Variants in ARID5B observed in about 807,000 individuals in gnomAD.
ARID5B encodes the protein AT-rich interaction domain 5B, also known as AT-rich interactive domain-containing protein 5B.
A neutral mutation model predicts 97.2 loss-of-function variants in ARID5B; 13 were observed. The ratio of observed to expected loss-of-function variants is 0.13; its 90% confidence interval spans 0.09 to 0.21. The LOEUF is 0.21. Ranked by LOEUF, ARID5B falls within the 10% of genes least tolerant of loss-of-function variation. The probability of loss-of-function intolerance (pLI) is 1.00; values close to 1 mark genes in which losing one functional copy is unlikely to be tolerated. For missense variants in ARID5B, 1,210 were observed against 1,465.3 expected, an observed-to-expected ratio of 0.83 and a Z score of 2.84; for synonymous variants, 556 against 570.3, an observed-to-expected ratio of 0.97 and a Z score of 0.36.
intron 4 of ARID5B, among the ~76,000 whole-genome samples, chr10:62,011,883 A>G (rs1355706712): frequency 1.3e-5 from 2 of 152,178 alleles, no homozygotes; most frequent in East Asian, 1.9e-4. Context: ...AATGTGGCCC[A>G]GTGCTGAAGG....
At chr10:62,023,141 C>G (rs1413572601) in intron 4 of ARID5B, among the ~76,000 whole-genome samples, 1 of 152,218 alleles carries the variant, frequency 6.6e-6, no homozygotes, top group Non-Finnish European at 1.5e-5. Context: ...ACACCCCTTA[C>G]TATGAACAAT....
At chr10:61,905,381 A>G (rs1011501641) in intron 2 of ARID5B, among the ~76,000 whole-genome samples, 1 of 152,082 alleles carries the variant, frequency 6.6e-6, no homozygotes, top group Non-Finnish European at 1.5e-5. Context: ...CTAAAAGCAG[A>G]AAAATGATCA....
At position 62,000,031 on chromosome 10, in the gene ARID5B, G is replaced by A; in HGVS notation, c.503-60G>A. On this transcript the variant is annotated intron_variant, in intron 3 of 9. Coordinates refer to ENST00000279873, the MANE Select transcript of ARID5B (RefSeq NM_032199.3). This position sits in a 1 kb window ranked among gnomAD's most constrained non-coding sequence, Gnocchi z 4.4. ...AAGTGATTATTGAAATTATACCATG[G>A]CCATGAAAGTTCTTTGTCAGAGGGA... The A allele has an allele frequency of 6.7e-7, 1 of 1,487,266 alleles. No individual in the cohort carries two copies. Among genetic ancestry groups the A allele is most frequent in the Non-Finnish European group, 9.4e-7 (1 of 1,067,362 alleles). The allele number at this position is 1,487,266 out of a possible 1,614,324, so 92.1% of individuals were successfully genotyped here.
chr10:61,930,978 C>G (rs1380467946), intron 2 of ARID5B, among the ~76,000 whole-genome samples: 1 of 152,066 alleles, frequency 6.6e-6, no homozygotes, highest in African/African-American at 2.4e-5. Flanking sequence ...GGCAGGTGAA[C>G]TTGGAAGTCT....
intron 2 of ARID5B, among the ~76,000 whole-genome samples, chr10:61,919,264 T>C (rs1843968769): frequency 1.3e-5 from 2 of 152,162 alleles, no homozygotes; most frequent in South Asian, 4.1e-4. Flanking sequence ...ATTTTAAATA[T>C]ACCCACTATT....
chr10:61,974,538 A>C (rs1838674034), intron 3 of ARID5B, among the ~76,000 whole-genome samples: 1 of 152,198 alleles, frequency 6.6e-6, no homozygotes, highest in Admixed American at 6.5e-5. Context: ...ATAACCATTT[A>C]TTTATAATAA....
chr10:61,976,046 C>T (rs1400665763), intron 3 of ARID5B, among the ~76,000 whole-genome samples: 1 of 152,136 alleles, frequency 6.6e-6, no homozygotes, highest in African/African-American at 2.4e-5. Context: ...GGGTTAAGCA[C>T]TAGGAATACA....
At chr10:61,987,835 CATGGT>C (rs1471973827) in intron 3 of ARID5B, among the ~76,000 whole-genome samples, 36 of 152,294 alleles carry the variant, frequency 2.4e-4, no homozygotes, top group African/African-American at 8.2e-4. Flanking sequence ...ACTGGTAACT[CATGGT>C]ATGAAACCAC....
Position 62,092,085 on chromosome 10 carries a change from A to G in ARID5B, c.2622A>G (p.Arg874=), listed in dbSNP as rs1840386039. The change falls in exon 10 of 10, where the codon AGA becomes AGG. Residue 874 remains arginine (R), a synonymous_variant. Transcript: ENST00000279873. ...AAAACAGTTCTTTTCCTTCCCACAG[A>G]CACCAAGAAAAGCTCCATGTAAATT... ...ESENSSFPSH[R]HQEKLHVNYL... 2 of 1,613,652 alleles carry G rather than the reference A, an allele frequency of 1.2e-6. No homozygotes were observed. The highest frequency in any genetic ancestry group is 2.7e-5 in the African/African-American group (2 of 74,964).
chr10:61,920,628 A>G (rs997414571), intron 2 of ARID5B, among the ~76,000 whole-genome samples: 8 of 151,996 alleles, frequency 5.3e-5, no homozygotes, highest in African/African-American at 1.7e-4. Flanking sequence ...GAGTAGATGG[A>G]AAAAAAAGGA....
chr10:62,066,814 C>T (rs183966349), intron 7 of ARID5B, among the ~76,000 whole-genome samples: 29 of 152,202 alleles, frequency 1.9e-4, no homozygotes, highest in Admixed American at 1.6e-3. Context: ...CCTAAATATC[C>T]CCGGCTTTCT....
chr10:61,949,173 T>C (rs1388245085), intron 3 of ARID5B, among the ~76,000 whole-genome samples: 1 of 152,228 alleles, frequency 6.6e-6, no homozygotes, highest in Non-Finnish European at 1.5e-5. Flanking sequence ...TCTGAGAGTC[T>C]GTTTAAGCTA....
chr10:61,980,836 C>T (rs1838767147), intron 3 of ARID5B, among the ~76,000 whole-genome samples: 1 of 152,136 alleles, frequency 6.6e-6, no homozygotes, highest in African/African-American at 2.4e-5. Context: ...CATGGCTTCC[C>T]AGGACAGTGA....
At chr10:61,902,488 T>G (rs1235404094) in intron 2 of ARID5B, 75 bp downstream of exon 2, 12 of 1,556,316 alleles carry the variant, frequency 7.7e-6, no homozygotes, top group East Asian at 4.5e-5. Flanking sequence ...AGGGCAAGCT[T>G]GAAAATACTG....
chr10:61,971,850 T>C (rs1838632269), intron 3 of ARID5B, among the ~76,000 whole-genome samples: 1 of 152,232 alleles, frequency 6.6e-6, no homozygotes, highest in Non-Finnish European at 1.5e-5. Flanking sequence ...TATATTGGAT[T>C]GTCATCTTCT....
At chr10:62,050,784 T>C in intron 4 of ARID5B, 104 bp from the exon 5 acceptor site, 1 of 966,160 alleles carries the variant, frequency 1.0e-6, no homozygotes, top group Non-Finnish European at 1.6e-6. Flanking sequence ...TCTGTACATT[T>C]CTCTGAACAA....
At chr10:61,955,015 A>G (rs988188074) in intron 3 of ARID5B, among the ~76,000 whole-genome samples, 25 of 152,092 alleles carry the variant, frequency 1.6e-4, no homozygotes, top group Non-Finnish European at 3.5e-4. Flanking sequence ...TCAAAAAAAA[A>G]AAAAGCAATC....
chr10:61,973,387 G>A (rs1049062892), intron 3 of ARID5B, among the ~76,000 whole-genome samples: 1 of 152,198 alleles, frequency 6.6e-6, no homozygotes, highest in African/African-American at 2.4e-5. Flanking sequence ...TCACAATGCT[G>A]ATATCAGGGG....
At chr10:61,983,749 A>G (rs192695485) in intron 3 of ARID5B, among the ~76,000 whole-genome samples, 2 of 147,942 alleles carry the variant, frequency 1.4e-5, no homozygotes, top group African/African-American at 5.1e-5. Flanking sequence ...AAGTGCCAGA[A>G]AAAAAAAAAA....
Sources: allele counts gnomAD v4.1 joint callset (sites outside exome capture counted in the v4.1 genomes callset), GRCh38; gene constraint gnomAD v4.1.1; non-coding constraint Gnocchi (gnomAD v3.1); transcripts MANE v1.5; gene names NCBI Gene and HGNC (gene_info 2026-07-23, HGNC 2026-07-21).